The following UTY variants were observed in gnomAD, a reference collection of about 807,000 sequenced individuals.
UTY encodes histone demethylase UTY.
A neutral mutation model predicts 32.5 loss-of-function variants in UTY; 12 were observed. That is an observed-to-expected ratio of 0.37 (90% CI 0.24 to 0.60). The LOEUF is 0.60. Ranked by LOEUF, UTY falls within the 20% of genes least tolerant of loss-of-function variation. The probability of loss-of-function intolerance (pLI) is 0.69; values close to 1 mark genes in which losing one functional copy is unlikely to be tolerated. For synonymous variants in UTY, 131 were observed against 103.4 expected (o/e 1.27, Z -1.62); for missense variants, 303 against 299.2 (o/e 1.01, Z -0.09).
At chrY:13,325,342 C>A (rs2060163544) in intron 19 of UTY, among the ~76,000 whole-genome samples, 1 of 33,121 alleles carries the variant, frequency 3.0e-5, no homozygotes, top group African/African-American at 1.2e-4. Flanking sequence ...GCCAGTATCT[C>A]CAAAATCCTC....
chrY:13,236,442 AAAG>A (rs2053853961), intron 28 of UTY, among the ~76,000 whole-genome samples: 1 of 30,904 alleles, frequency 3.2e-5, no homozygotes, highest in Non-Finnish European at 7.7e-5. Context: ...AAAGTCCAAA[AAAG>A]AAGACCCAGA....
chrY:13,433,618 G>A, intron 4 of UTY, among the ~76,000 whole-genome samples: 1 of 33,547 alleles, frequency 3.0e-5, no homozygotes, highest in Non-Finnish European at 7.4e-5. Flanking sequence ...AACACAAACA[G>A]TTCTTTGCAA....
At chrY:13,304,803 T>C in intron 24 of UTY, among the ~76,000 whole-genome samples, 1 of 32,677 alleles carries the variant, frequency 3.1e-5, no homozygotes, top group Non-Finnish European at 7.5e-5. Context: ...TTATTTATTA[T>C]GATTTTCATC....
At chrY:13,417,729 C>G in intron 4 of UTY, among the ~76,000 whole-genome samples, 1 of 33,922 alleles carries the variant, frequency 2.9e-5, no homozygotes, top group Non-Finnish European at 7.3e-5. Context: ...GGTGAATAAA[C>G]TATGTTCTAT....
At chrY:13,408,906 CA>C in intron 6 of UTY, among the ~76,000 whole-genome samples, 1 of 29,722 alleles carries the variant, frequency 3.4e-5, no homozygotes, top group East Asian at 8.7e-4. Flanking sequence ...GAAAGATGGG[CA>C]AAAAAAAAGA....
intron 2 of UTY, among the ~76,000 whole-genome samples, chrY:13,478,550 C>A: frequency 6.1e-5 from 2 of 32,988 alleles, no homozygotes; most frequent in African/African-American, 2.4e-4. Context: ...TTGCTCCTCC[C>A]CCTTTTTACC....
At chrY:13,347,060 A>C (rs749721114) in intron 17 of UTY, among the ~76,000 whole-genome samples, 20 of 34,190 alleles carry the variant, frequency 5.8e-4, no homozygotes, top group Admixed American at 5.0e-3. Flanking sequence ...GGAATTAATG[A>C]AATCAACTAT....
At chrY:13,349,155 G>A (rs2062156924) in intron 17 of UTY, among the ~76,000 whole-genome samples, 1 of 32,818 alleles carries the variant, frequency 3.0e-5, no homozygotes, top group African/African-American at 1.2e-4. Flanking sequence ...AGGAGAAGAG[G>A]CAAAGTAAAC....
At chrY:13,386,796 C>A (rs2066829642) in intron 8 of UTY, among the ~76,000 whole-genome samples, 2 of 32,601 alleles carry the variant, frequency 6.1e-5, no homozygotes, top group African/African-American at 1.2e-4. Context: ...AACGTCTGAC[C>A]AACATGGCAA....
At chrY:13,260,809 A>G (rs2055212136) in intron 27 of UTY, among the ~76,000 whole-genome samples, 2 of 33,422 alleles carry the variant, frequency 6.0e-5, no homozygotes, top group Non-Finnish European at 1.5e-4. Flanking sequence ...AAGCAGTTAT[A>G]TAATAGATTT....
Position 13,356,022 on chromosome Y carries a change from G to C in UTY, c.1570-4C>G. ...TTGCTCGCAGTTGTTCCAAGTGCTA[G>C]AAGAAAAGAGATTAATATAATCAAA... On this transcript the variant is annotated splice_polypyrimidine_tract_variant and splice_region_variant and intron_variant, in intron 15 of 29. Coordinates refer to ENST00000545955, the MANE Select transcript of UTY (RefSeq NM_001258249.2). The C allele has an allele frequency of 2.7e-6, 1 of 365,344 alleles. No individual in the cohort carries two copies. Among genetic ancestry groups the C allele is most frequent in the Non-Finnish European group, 3.8e-6 (1 of 262,746 alleles). The allele number at this position is 365,344 out of a possible 400,897, so 91.1% of individuals were successfully genotyped here.
At chrY:13,354,968 A>G in intron 17 of UTY, 35 bp downstream of exon 17, 1 of 395,153 alleles carries the variant, frequency 2.5e-6, no homozygotes, top group Non-Finnish European at 3.6e-6. Context: ...AAACTACTAT[A>G]TAAGAGCCAA....
chrY:13,396,569 C>G (rs2068252415), intron 7 of UTY: 1 of 35,388 alleles, frequency 2.8e-5, no homozygotes, highest in Admixed American at 2.7e-4. Context: ...AAAAAATAGT[C>G]AAGCTTACGG....
chrY:13,335,929 T>C lies in UTY; in HGVS notation c.2468A>G (p.Gln823Arg). 1 of 399,181 alleles carries C rather than the reference T, an allele frequency of 2.5e-6. No individual in the cohort carries two copies. Among genetic ancestry groups the C allele is most frequent in the Non-Finnish European group, 3.5e-6 (1 of 283,727 alleles). The change falls in exon 18 of 30, where the codon CAG becomes CGG. Residue 823 changes from glutamine to arginine, a missense_variant. Transcript: ENST00000545955. Reference sequence around the variant, plus strand: ...TTTTCCAATCAACAAAGCAGAGAGCTGAGGATTGTCTGCAATTAATAAATT... The same window carrying C: ...TTTTCCAATCAACAAAGCAGAGAGCCGAGGATTGTCTGCAATTAATAAATT... ...SPNLLIADNPQLSALLIGKAN... is the reference protein window; with the variant it reads ...SPNLLIADNPRLSALLIGKAN...
Position 13,355,321 on chromosome Y carries a change from T to C in UTY, c.1743A>G (p.Thr581=). The C allele has an allele frequency of 2.5e-6, 1 of 396,342 alleles. No individual in the cohort carries two copies. Among genetic ancestry groups the C allele is most frequent in the African/African-American group, 6.4e-5 (1 of 15,630 alleles). ...NGAITDSSLP[T]NSVSNRQPHG... ...GTGGTTGTCGATTAGAGACAGAGTT[T>C]GTAGGCAGTGATGAATCAGTTATGG... The change falls in exon 17 of 30, where the codon ACA becomes ACG. Residue 581 remains threonine (T), a synonymous_variant. Transcript: ENST00000545955.
At chrY:13,397,027 C>T (rs751879078) in intron 6 of UTY, 55 bp from the exon 7 acceptor site, 1 of 205,059 alleles carries the variant, frequency 4.9e-6, no homozygotes, top group East Asian at 1.2e-4. Context: ...CATAAAAGTA[C>T]ATTTTCTATT....
intron 24 of UTY, among the ~76,000 whole-genome samples, chrY:13,303,469 A>G: frequency 5.9e-5 from 2 of 33,847 alleles, no homozygotes; most frequent in Admixed American, 5.4e-4. Flanking sequence ...CAGCAATCCC[A>G]ATATTTTAGA....
chrY:13,375,541 C>T, intron 8 of UTY, among the ~76,000 whole-genome samples: 4 of 33,889 alleles, frequency 1.2e-4, no homozygotes, highest in African/African-American at 4.6e-4. Context: ...CATTACTATC[C>T]TTACAGTTTT....
chrY:13,367,495 AAC>A (rs2064316473), intron 9 of UTY, among the ~76,000 whole-genome samples: 1 of 33,653 alleles, frequency 3.0e-5, no homozygotes, highest in Non-Finnish European at 7.4e-5. Context: ...TCAAATCAAA[AAC>A]AGTCTGTCAG....
Sources: gnomAD v4.1 joint callset for allele counts (sites outside exome capture counted in the v4.1 genomes callset) on GRCh38, gnomAD v4.1.1 for gene constraint, MANE v1.5 for transcripts, NCBI Gene and HGNC (gene_info 2026-07-23, HGNC 2026-07-21) for gene names.